EEPD1: variants seen among roughly 807,000 people sequenced by gnomAD.
The protein encoded by EEPD1 is endonuclease/exonuclease/phosphatase family domain-containing protein 1.
In EEPD1, 17 loss-of-function variants were observed where a neutral mutation model predicts 46.3. That is an observed-to-expected ratio of 0.37 (90% CI 0.25 to 0.55). The LOEUF is 0.55. Ranked by LOEUF, EEPD1 falls within the 20% of genes least tolerant of loss-of-function variation. EEPD1 has a pLI of 0.83. For synonymous variants in EEPD1, 313 were observed against 315.6 expected (o/e 0.99, Z 0.09); for missense variants, 673 against 745.6 (o/e 0.90, Z 1.13).
intron 3 of EEPD1, among the ~76,000 whole-genome samples, chr7:36,251,071 ATTCTGT>A (rs1786730695): frequency 6.6e-6 from 1 of 152,090 alleles, no homozygotes; most frequent in Non-Finnish European, 1.5e-5. Flanking sequence ...CATCCCATCC[ATTCTGT>A]TTCTTTGGCT....
At chr7:36,157,144 A>C (rs971967911) in intron 2 of EEPD1, among the ~76,000 whole-genome samples, 2 of 152,244 alleles carry the variant, frequency 1.3e-5, no homozygotes, top group East Asian at 3.8e-4. Flanking sequence ...GGTTATATGT[A>C]AATAATATGC....
chr7:36,270,384 G>A (rs568696089), intron 3 of EEPD1, among the ~76,000 whole-genome samples: 30 of 152,144 alleles, frequency 2.0e-4, no homozygotes, highest in African/African-American at 6.3e-4. Flanking sequence ...AGGTATACAC[G>A]TGCCATGGTG....
chr7:36,251,677 C>T (rs1221776903), intron 3 of EEPD1, among the ~76,000 whole-genome samples: 1 of 152,160 alleles, frequency 6.6e-6, no homozygotes, highest in Non-Finnish European at 1.5e-5. Context: ...CTCCTCGACT[C>T]TCCTTAACTC....
In EEPD1 at chr7:36,240,852, A is replaced by G. The variant is rs181574176; in HGVS notation, c.930+1816A>G. On this transcript the variant is annotated intron_variant, in intron 3 of 7. Transcript: ENST00000242108. ...ACTGTTCCACCTCAGATCATCAGGCATTAGATTCTCATAAGGAGCGCACAA... is the reference window on the plus strand; with the variant it reads ...ACTGTTCCACCTCAGATCATCAGGCGTTAGATTCTCATAAGGAGCGCACAA... 6.0e-3 allele frequency among the ~76,000 whole-genome samples: 918 copies of G among 152,328 alleles called. 5 individuals are homozygous for G. The highest frequency in any genetic ancestry group is 0.02 in the African/African-American group (841 of 41,562).
intron 2 of EEPD1, among the ~76,000 whole-genome samples, chr7:36,194,291 A>T (rs1056780887): frequency 2.0e-5 from 3 of 152,198 alleles, no homozygotes; most frequent in Non-Finnish European, 4.4e-5. Context: ...ATGTTGGAGG[A>T]AGAAATCCTT....
intron 2 of EEPD1, among the ~76,000 whole-genome samples, chr7:36,172,429 C>G (rs1047974975): frequency 3.9e-5 from 6 of 152,218 alleles, no homozygotes; most frequent in African/African-American, 1.4e-4. Flanking sequence ...AGGGCAGAGA[C>G]CCAGGGAGGG....
intron 2 of EEPD1, among the ~76,000 whole-genome samples, chr7:36,174,153 C>T (rs1000391283): frequency 2.6e-5 from 4 of 152,154 alleles, no homozygotes; most frequent in East Asian, 1.9e-4. Flanking sequence ...TTGCTGCAGT[C>T]GGGTCCTTAC....
intron 2 of EEPD1, among the ~76,000 whole-genome samples, chr7:36,211,272 C>T (rs1444406025): frequency 1.3e-5 from 2 of 152,176 alleles, no homozygotes; most frequent in Non-Finnish European, 2.9e-5. Flanking sequence ...ACATGCTATA[C>T]ATGCGCAGTG....
intron 2 of EEPD1, among the ~76,000 whole-genome samples, chr7:36,180,249 A>C (rs1264515413): frequency 6.6e-6 from 1 of 152,218 alleles, no homozygotes; most frequent in Admixed American, 6.5e-5. Context: ...TGGGCATGAA[A>C]GTCACTTATC....
intron 3 of EEPD1, among the ~76,000 whole-genome samples, chr7:36,265,589 G>A (rs933702598): frequency 2.0e-5 from 3 of 152,104 alleles, no homozygotes; most frequent in African/African-American, 7.3e-5. Flanking sequence ...CCTTTGTGTT[G>A]GCTTTCTCTC....
At chr7:36,273,363 A>G (rs1388509656) in intron 3 of EEPD1, among the ~76,000 whole-genome samples, 1 of 151,566 alleles carries the variant, frequency 6.6e-6, no homozygotes, top group African/African-American at 2.4e-5. Context: ...TTTTCTCCCC[A>G]TTCCTCCCCC....
At chr7:36,248,209 C>CTT (rs112763432) in intron 3 of EEPD1, among the ~76,000 whole-genome samples, 1 of 144,980 alleles carries the variant, frequency 6.9e-6, no homozygotes, top group Admixed American at 6.9e-5. Flanking sequence ...CTTTAAGATA[C>CTT]TTTTTTTTTT....
chr7:36,239,161 C>T, intron 3 of EEPD1, 125 bp downstream of exon 3: 1 of 946,658 alleles, frequency 1.1e-6, no homozygotes, highest in Admixed American at 2.6e-5. Context: ...TTTTGTATTC[C>T]TGACAGCGAA....
At chr7:36,287,614 T>G in intron 5 of EEPD1, 25 bp from the exon 6 acceptor site, 1 of 1,609,544 alleles carries the variant, frequency 6.2e-7, no homozygotes, top group South Asian at 1.1e-5. Flanking sequence ...AGCCTCTCCC[T>G]GTTGCTTTGT....
chr7:36,154,181 G>A lies in EEPD1; in HGVS notation c.-144G>A. 4 of 1,000,628 alleles carry A rather than the reference G, an allele frequency of 4.0e-6. No homozygotes were observed. The highest frequency in any genetic ancestry group is 5.7e-6 in the Non-Finnish European group (4 of 703,790). The allele number at this position is 1,000,628 out of a possible 1,614,324, so 62.0% of individuals were successfully genotyped here. On this transcript the variant is annotated 5_prime_UTR_variant, in exon 2 of 8. It adds an upstream start codon to the 5' untranslated region. Coordinates refer to ENST00000242108, the MANE Select transcript of EEPD1 (RefSeq NM_030636.3). This position sits in a 1 kb window ranked among gnomAD's most constrained non-coding sequence, Gnocchi z 4.2. Reference sequence around the variant, plus strand: ...GGACACGCCAGGCATGGAAGATTCGGTGTTTGTCTATAGTAACCTCTTCAG... The same window carrying A: ...GGACACGCCAGGCATGGAAGATTCGATGTTTGTCTATAGTAACCTCTTCAG...
intron 2 of EEPD1, among the ~76,000 whole-genome samples, chr7:36,218,449 T>A (rs117517062): frequency 2.6e-3 from 400 of 152,102 alleles, no homozygotes; most frequent in Non-Finnish European, 4.6e-3. Flanking sequence ...GTGAATGTGG[T>A]CTCTCTCTTT....
At chr7:36,261,593 A>G (rs1786926583) in intron 3 of EEPD1, among the ~76,000 whole-genome samples, 2 of 152,124 alleles carry the variant, frequency 1.3e-5, no homozygotes, top group Admixed American at 6.5e-5. Context: ...AGAACTTTCA[A>G]TTCACTTTTT....
rs368737247 is a variant in EEPD1 at position 36,219,524 on chromosome 7, AAAGGAAAGG to A, written c.879-19445_879-19437del. 2.1e-4 allele frequency among the ~76,000 whole-genome samples: 31 copies of A among 149,540 alleles called. No individual in the cohort carries two copies. In the South Asian group the frequency reaches 3.2e-3, roughly 16 times the overall value. ...CAAAGAAGGAAGGAAGGAAGGAAAG[AAAGGAAAGG>A]AAGGAAAGGAAGGAAGGAGAGGGGA... On this transcript the variant is annotated intron_variant, in intron 2 of 7. Coordinates refer to ENST00000242108, the MANE Select transcript of EEPD1 (RefSeq NM_030636.3).
At chr7:36,198,856 T>C (rs1439732135) in intron 2 of EEPD1, among the ~76,000 whole-genome samples, 1 of 152,030 alleles carries the variant, frequency 6.6e-6, no homozygotes, top group Non-Finnish European at 1.5e-5. Context: ...TGCTACCACC[T>C]GTCTTGGGGG....
Sources: allele counts gnomAD v4.1 joint callset (sites outside exome capture counted in the v4.1 genomes callset), GRCh38; gene constraint gnomAD v4.1.1; non-coding constraint Gnocchi (gnomAD v3.1); transcripts MANE v1.5; gene names NCBI Gene and HGNC (gene_info 2026-07-23, HGNC 2026-07-21).